TEAD4: variants seen among roughly 807,000 people sequenced by gnomAD.
TEAD4 encodes the protein transcriptional enhancer factor TEF-3.
Under a neutral mutation model 52.4 loss-of-function variants are expected in TEAD4, and 36 were observed. The observed-to-expected ratio is 0.69, with a 90% CI of 0.53 to 0.91. The LOEUF (loss-of-function observed/expected upper bound fraction) is 0.91, where lower values mean the gene tolerates loss of function less well. TEAD4 is among the 40% of genes least tolerant of loss of function. TEAD4 has a pLI of 0.00. For missense variants in TEAD4, 508 were observed against 583.9 expected (o/e 0.87, Z 1.34); for synonymous variants, 220 against 231.0 (o/e 0.95, Z 0.43).
intron 3 of TEAD4, among the ~76,000 whole-genome samples, chr12:3,001,776 C>CA (rs201617310): frequency 0.12 from 15,481 of 128,324 alleles, 883 homozygotes; most frequent in African/African-American, 0.18. Context: ...GACTCTGTCT[C>CA]AAAAAAAAAA....
At chr12:3,015,527 T>G (rs1344386714) in intron 5 of TEAD4, among the ~76,000 whole-genome samples, 2 of 152,262 alleles carry the variant, frequency 1.3e-5, no homozygotes, top group East Asian at 1.9e-4. Flanking sequence ...GGGGGAGCAC[T>G]GAGCCTCTCT....
At chr12:2,965,697 A>G (rs750318843) in intron 2 of TEAD4, among the ~76,000 whole-genome samples, 9 of 151,160 alleles carry the variant, frequency 6.0e-5, no homozygotes, top group Non-Finnish European at 8.8e-5. Flanking sequence ...GACTACAGGC[A>G]CCCGCCACCT....
chr12:3,001,498 G>A (rs2098251666), intron 3 of TEAD4, among the ~76,000 whole-genome samples: 1 of 152,186 alleles, frequency 6.6e-6, no homozygotes, highest in Admixed American at 6.5e-5. Context: ...CAAGCCAGCC[G>A]CGGTGGCTCA....
chr12:2,963,326 C>T (rs1013036477), intron 2 of TEAD4, among the ~76,000 whole-genome samples: 1 of 152,232 alleles, frequency 6.6e-6, no homozygotes, highest in African/African-American at 2.4e-5. Context: ...CGTTGGTCCC[C>T]AGCTTTGGAC....
chr12:3,034,227 A>T (rs796956500), intron 10 of TEAD4, among the ~76,000 whole-genome samples: 1 of 146,654 alleles, frequency 6.8e-6, no homozygotes, highest in South Asian at 2.1e-4. Flanking sequence ...AGCTGATGAC[A>T]GAAGAGTGTA....
rs1007919145 is a variant in TEAD4 at position 3,021,857 on chromosome 12, T to C, written c.737T>C (p.Leu246Pro). 6.2e-7 allele frequency: 1 copy of C among 1,614,150 alleles called. No homozygotes were observed. Among genetic ancestry groups the C allele is most frequent in the Non-Finnish European group, 8.5e-7 (1 of 1,179,998 alleles). Residue 246 changes from leucine to proline, a missense_variant, in exon 10 of 13, where the codon CTG (leucine) becomes CCG (proline). Coordinates refer to ENST00000359864, the MANE Select transcript of TEAD4 (RefSeq NM_003213.4). ...CTCTCTCCACAGTACAACAAGCACCTGTTCGTGCACATTGGCCAGTCCAGC... is the reference window on the plus strand; with the variant it reads ...CTCTCTCCACAGTACAACAAGCACCCGTTCGTGCACATTGGCCAGTCCAGC...
chr12:3,025,033 C>T (rs1174630763), intron 10 of TEAD4, among the ~76,000 whole-genome samples: 6 of 151,962 alleles, frequency 3.9e-5, no homozygotes, highest in Non-Finnish European at 7.4e-5. Context: ...CAACCTGTAC[C>T]TCCCTGGTTC....
chr12:3,032,477 A>G (rs899854103), intron 10 of TEAD4, among the ~76,000 whole-genome samples: 1 of 152,162 alleles, frequency 6.6e-6, no homozygotes, highest in African/African-American at 2.4e-5. Flanking sequence ...ATGGCAGGGC[A>G]CGGTGGGCAG....
intron 3 of TEAD4, among the ~76,000 whole-genome samples, chr12:3,006,569 A>G (rs1230609787): frequency 6.6e-6 from 1 of 152,016 alleles, no homozygotes; most frequent in South Asian, 2.1e-4. Flanking sequence ...CTGTAATCCC[A>G]ACTACTTGGG....
Position 2,994,496 on chromosome 12 carries a change from C to G in TEAD4, c.-29-242C>G, listed in dbSNP as rs912263284. Among the ~76,000 whole-genome samples, 1 of 152,208 alleles carries G rather than the reference C, an allele frequency of 6.6e-6. No homozygotes were observed. On this transcript the variant is annotated intron_variant, in intron 2 of 12. Coordinates refer to ENST00000359864, the MANE Select transcript of TEAD4 (RefSeq NM_003213.4). The surrounding 1 kb of genome is among the most constrained non-coding windows in gnomAD (Gnocchi z 4.7). ...TTGTCTCCTACTTTTCAGCCCTTGTCTGGGTTCCTTGATACCAGGGAGTGC... is the reference window on the plus strand; with the variant it reads ...TTGTCTCCTACTTTTCAGCCCTTGTGTGGGTTCCTTGATACCAGGGAGTGC...
At chr12:2,991,056 G>T (rs75469427) in intron 2 of TEAD4, among the ~76,000 whole-genome samples, 3 of 152,024 alleles carry the variant, frequency 2.0e-5, no homozygotes, top group African/African-American at 7.2e-5. Flanking sequence ...ATAATTAGCC[G>T]GGCATGGTGG....
chr12:3,008,718 G>C (rs920398624), intron 3 of TEAD4, among the ~76,000 whole-genome samples: 2 of 152,162 alleles, frequency 1.3e-5, no homozygotes, highest in South Asian at 4.1e-4. Context: ...TAGGTGCCAG[G>C]TACTGGAGAT....
At chr12:3,032,074 TC>T (rs1221760302) in intron 10 of TEAD4, among the ~76,000 whole-genome samples, 1 of 152,200 alleles carries the variant, frequency 6.6e-6, no homozygotes, top group Non-Finnish European at 1.5e-5. Flanking sequence ...TCTTGGGCGT[TC>T]TCGACCTCAG....
rs1421608605 is a variant in TEAD4, at chr12:3,019,163, T to A, written c.576T>A (p.Pro192=). The change falls in exon 8 of 13, where the codon CCT becomes CCA. Residue 192 remains proline, a synonymous_variant. Coordinates refer to ENST00000359864, the MANE Select transcript of TEAD4 (RefSeq NM_003213.4). ...CCTATGCTGTCCAGCCTCCGCTGCC[T>A]CTGCCAGGTGGGTGGGCGCTGCGTG... The A allele has an allele frequency of 1.9e-6, 3 of 1,613,904 alleles. No homozygotes were observed. Among genetic ancestry groups the A allele is most frequent in the Admixed American group, 1.7e-5 (1 of 60,004 alleles).
At position 2,987,874 on chromosome 12, in the gene TEAD4, G is replaced by A. The variant is rs1157510699; in HGVS notation, c.-29-6864G>A. The stretch of plus-strand genomic sequence containing the variant: ...GAGGTCAGGAGTTCAAGACCAGCCT[G>A]GCCAACATGGTGAAACCCTGTCTCT... On this transcript the variant is annotated intron_variant, in intron 2 of 12. Coordinates refer to ENST00000359864, the MANE Select transcript of TEAD4 (RefSeq NM_003213.4). Among the ~76,000 whole-genome samples the A allele has an allele frequency of 2.0e-5, 3 of 151,640 alleles. No individual in the cohort carries two copies. In the East Asian group the frequency reaches 5.9e-4, roughly 30 times the overall value.
rs1246856460 is a variant in TEAD4, at chr12:3,040,646, T to A, written c.*168T>A. On this transcript the variant is annotated 3_prime_UTR_variant, in exon 13 of 13. Coordinates refer to ENST00000359864, the MANE Select transcript of TEAD4 (RefSeq NM_003213.4). The stretch of plus-strand genomic sequence containing the variant: ...TGAACCTGAGGTGCCCAACCCCAAA[T>A]AAACCCAAGATGCTGTGTATTTTCA... The A allele has an allele frequency of 1.6e-6, 1 of 630,932 alleles. No homozygotes were observed. 39.1% of individuals were successfully genotyped at this position (630,932 alleles called of 1,614,324 possible).
At chr12:3,005,187 G>A (rs1265671905) in intron 3 of TEAD4, among the ~76,000 whole-genome samples, 4 of 152,386 alleles carry the variant, frequency 2.6e-5, no homozygotes, top group Non-Finnish European at 5.9e-5. Flanking sequence ...GCAGCAGAGA[G>A]TAGAATGGTG....
intron 6 of TEAD4, 29 bp downstream of exon 6, chr12:3,017,555 A>G (rs1324711352): frequency 2.5e-6 from 4 of 1,599,362 alleles, no homozygotes; most frequent in Non-Finnish European, 3.4e-6. Context: ...GCTGGAGGCC[A>G]GGCCAGCCCT....
intron 10 of TEAD4, among the ~76,000 whole-genome samples, chr12:3,035,915 C>T (rs1055197298): frequency 1.6e-4 from 25 of 151,918 alleles, no homozygotes; most frequent in African/African-American, 5.1e-4. Context: ...GTAAGACCTT[C>T]GGCCAGTCAC....
Sources: gnomAD v4.1 joint callset for allele counts (sites outside exome capture counted in the v4.1 genomes callset) on GRCh38, gnomAD v4.1.1 for gene constraint, Gnocchi (gnomAD v3.1) non-coding constraint, MANE v1.5 for transcripts, NCBI Gene and HGNC (gene_info 2026-07-23, HGNC 2026-07-21) for gene names.